WDR90: variants seen among roughly 807,000 people sequenced by gnomAD.
The protein encoded by WDR90 is WD repeat domain 90.
A neutral mutation model predicts 195.2 loss-of-function variants in WDR90; 238 were observed. That is an observed-to-expected ratio of 1.22 (90% CI 1.10 to 1.36). WDR90 has a LOEUF of 1.36. Among genes scored for constraint, WDR90 ranks in the 40% most tolerant of loss-of-function variants. The pLI, the probability that WDR90 is intolerant of heterozygous loss-of-function variation, is 0.00. For synonymous variants in WDR90, 1,265 were observed against 1,052.4 expected, an observed-to-expected ratio of 1.20 and a Z score of -3.91; for missense variants, 2,734 against 2,439.5, an observed-to-expected ratio of 1.12 and a Z score of -2.54.
chr16:656,190 G>A, intron 17 of WDR90, 112 bp from the exon 18 acceptor site: 1 of 1,049,730 alleles, frequency 9.5e-7, no homozygotes. Context: ...TGTGGAGCCT[G>A]GGACTTTGAG....
rs974300050 is a variant in WDR90, at chr16:653,815, C to T, written c.1437+12C>T. 7 of 1,612,882 alleles carry T rather than the reference C, an allele frequency of 4.3e-6. No individual in the cohort carries two copies. Among genetic ancestry groups the T allele is most frequent in the African/African-American group, 4.0e-5 (3 of 74,930 alleles). The stretch of plus-strand genomic sequence containing the variant: ...ACCACGGGAGGACGGTAACAGGGCC[C>T]TGGCTGCGGGTTGGGGTGGGGCTGT... On this transcript the variant is annotated intron_variant, in intron 13 of 40. Transcript: ENST00000293879.
chr16:665,668 G>A lies in WDR90; in HGVS notation c.4312-11G>A. ...GGCCAACACCCCCAGCCTAGCTACG[G>A]CTTCCCCCAGGTGAACGAGGTGGTC... On this transcript the variant is annotated splice_polypyrimidine_tract_variant and intron_variant, in intron 34 of 40. Coordinates refer to ENST00000293879, the MANE Select transcript of WDR90 (RefSeq NM_145294.5). The A allele has an allele frequency of 6.2e-7, 1 of 1,612,584 alleles. No individual in the cohort carries two copies. Among genetic ancestry groups the A allele is most frequent in the East Asian group, 2.2e-5 (1 of 44,880 alleles).
rs1567220678 is a variant in WDR90 at position 661,011 on chromosome 16, CCCCCG to C, written c.3392-39_3392-35del. On this transcript the variant is annotated intron_variant, in intron 28 of 40. Transcript: ENST00000293879. ...CCAGGCCCCTCCCCGCCCCCCCCCC[CCCCCG>C]GCCCGGCCTCAGGCCCCGCCCTCTC... 2.2e-3 allele frequency: 346 copies of C among 157,132 alleles called. 43 individuals carry two copies. The East Asian group carries it at 0.037, about 17-fold the overall frequency. 9.7% of individuals were successfully genotyped at this position (157,132 alleles called of 1,614,324 possible). A position where few individuals can be genotyped will look rare whatever the true frequency, so the allele number is the denominator to read the frequency against.
In WDR90 at chr16:655,154, C is replaced by G. The variant is rs748793139; in HGVS notation, c.1556+7C>G. On this transcript the variant is annotated splice_region_variant and intron_variant, in intron 14 of 40. Coordinates refer to ENST00000293879, the MANE Select transcript of WDR90 (RefSeq NM_145294.5). ...CCTTTTTTGATGAAACCAGGTGATG[C>G]AGCCGCCCATCCACGATGTTGGGAG... 1 of 1,612,432 alleles carries G rather than the reference C, an allele frequency of 6.2e-7. No individual in the cohort carries two copies. The highest frequency in any genetic ancestry group is 8.5e-7 in the Non-Finnish European group (1 of 1,179,616).
At position 667,507 on chromosome 16, in the gene WDR90, T is replaced by A; in HGVS notation, c.5165T>A (p.Leu1722Gln). 1 of 1,612,552 alleles carries A rather than the reference T, an allele frequency of 6.2e-7. No homozygotes were observed. The highest frequency in any genetic ancestry group is 8.5e-7 in the Non-Finnish European group (1 of 1,179,908). The change falls in exon 41 of 41, where the codon CTG (leucine) becomes CAG (glutamine). Residue 1722 changes from leucine (L) to glutamine (Q), a missense_variant. Transcript: ENST00000293879. Reference protein sequence around the residue: ...DFAGHDNAVHLCRFTPSARLL... With the variant: ...DFAGHDNAVHQCRFTPSARLL... The stretch of plus-strand genomic sequence containing the variant: ...GCCGGCCACGACAACGCAGTGCACC[T>A]GTGCAGGTTTACACCGTCCGCCAGG...
At chr16:664,120 C>T (rs2037972895) in intron 34 of WDR90, among the ~76,000 whole-genome samples, 2 of 152,138 alleles carry the variant, frequency 1.3e-5, no homozygotes. Context: ...GTAGTCGTCA[C>T]AGCACAAGCT....
In WDR90 at chr16:665,765, C is replaced by T. The variant is rs761168116; in HGVS notation, c.4398C>T (p.Ser1466=). 3.1e-6 allele frequency: 5 copies of T among 1,601,512 alleles called. No homozygotes were observed. The highest frequency in any genetic ancestry group is 1.7e-4 in the Middle Eastern group (1 of 6,022). ...DGSVRVWALA[S]MELVIQFQVL... ...GTGTGCGGGTGTGGGCCTTGGCCAGCATGGAGCTTGTGATCCAGTTCCAGG... is the reference window on the plus strand; with the variant it reads ...GTGTGCGGGTGTGGGCCTTGGCCAGTATGGAGCTTGTGATCCAGTTCCAGG... The change falls in exon 35 of 41, where the codon AGC becomes AGT. Residue 1466 remains serine, a synonymous_variant. Transcript: ENST00000293879.
In WDR90 at chr16:657,762, C is replaced by G. The variant is rs772626875; in HGVS notation, c.2474C>G (p.Ala825Gly). The change falls in exon 21 of 41, where the codon GCG becomes GGG. Residue 825 changes from alanine (A) to glycine (G), a missense_variant and splice_region_variant. Physicochemically the swap from Ala to Gly is moderately conservative, Grantham distance 60 (BLOSUM62 0). Transcript: ENST00000293879. ...DPQWHVLRVAADMVCPDAPAS... is the reference protein window; with the variant it reads ...DPQWHVLRVAGDMVCPDAPAS... ...TGACCCCTGCCCCGTGTGGCCACAG[C>G]GGACATGGTATGCCCGGATGCCCCC... 1.3e-6 allele frequency: 2 copies of G among 1,546,296 alleles called. No homozygotes were observed. Among genetic ancestry groups the G allele is most frequent in the Non-Finnish European group, 1.7e-6 (2 of 1,145,384 alleles).
Position 650,349 on chromosome 16 carries a change from G to A in WDR90, c.375G>A (p.Arg125=), listed in dbSNP as rs1478191293. The A allele has an allele frequency of 6.2e-7, 1 of 1,612,708 alleles. No homozygotes were observed. The highest frequency in any genetic ancestry group is 2.2e-5 in the East Asian group (1 of 44,872). ...AGTTTCCCTTGGTCCTGGAGGCCAG[G>A]ACACCTCAGAGAGGTGACACCAAGA... ...WLQFPLVLEA[R]TPQRDLVGLA... Residue 125 remains arginine (R), a synonymous_variant, in exon 4 of 41, where the codon AGG becomes AGA. Transcript: ENST00000293879.
At chr16:662,972 G>A (rs1317854342) in intron 34 of WDR90, 128 bp downstream of exon 34, 10 of 1,407,276 alleles carry the variant, frequency 7.1e-6, no homozygotes, top group Non-Finnish European at 9.7e-6. Flanking sequence ...CGGCCGCCTT[G>A]GGGTTCCCAG....
chr16:660,796 C>G (rs1413436633), intron 28 of WDR90, 82 bp downstream of exon 28: 1 of 1,428,354 alleles, frequency 7.0e-7, no homozygotes, highest in African/African-American at 1.4e-5. Context: ...AGGCCAGGAC[C>G]TGGTGGCAAA....
chr16:660,704 G>A lies in WDR90; in HGVS notation c.3381G>A (p.Arg1127=), dbSNP rs1270598745. Residue 1127 remains arginine, a synonymous_variant, in exon 28 of 41, where the codon AGG becomes AGA. Coordinates refer to ENST00000293879, the MANE Select transcript of WDR90 (RefSeq NM_145294.5). Reference sequence around the variant, plus strand: ...ATGGGCGGGCCAACATGGTCTGGAGGCCGGACACAGGTGGGGGCCAAGAGC... The same window carrying A: ...ATGGGCGGGCCAACATGGTCTGGAGACCGGACACAGGTGGGGGCCAAGAGC... ...SGNGRANMVW[R]PDTGFFAYTC... is the part of the protein sequence containing the mutation. 6.4e-7 allele frequency: 1 copy of A among 1,567,244 alleles called. No homozygotes were observed. Among genetic ancestry groups the A allele is most frequent in the South Asian group, 1.2e-5 (1 of 85,604 alleles).
At chr16:663,540 G>A (rs1367285518) in intron 34 of WDR90, 1 of 179,724 alleles carries the variant, frequency 5.6e-6, no homozygotes, top group East Asian at 1.7e-4. Flanking sequence ...GGCTCAAGAG[G>A]TCAGGAGGCC....
chr16:657,038 A>G (rs2037770857), intron 19 of WDR90, 53 bp from the exon 20 acceptor site: 28 of 1,586,054 alleles, frequency 1.8e-5, no homozygotes, highest in South Asian at 1.2e-4. Context: ...GAGGGAACCC[A>G]TGGTACCTGG....
At chr16:650,968 G>C in intron 5 of WDR90, 27 bp from the exon 6 acceptor site, 1 of 1,610,274 alleles carries the variant, frequency 6.2e-7, no homozygotes, top group Non-Finnish European at 8.5e-7. Flanking sequence ...AGCCTCCCTT[G>C]ACCTGGAACA....
upstream of WDR90, chr16:649,251 G>A (rs1246727466): frequency 1.2e-5 from 9 of 757,760 alleles, no homozygotes; most frequent in African/African-American, 7.4e-5. Flanking sequence ...CCGCTGACGT[G>A]AGCGGGGTAC....
At chr16:653,319 G>GC (rs1475490621) in intron 10 of WDR90, 22 bp from the exon 11 acceptor site, 2 of 1,492,758 alleles carry the variant, frequency 1.3e-6, no homozygotes, top group South Asian at 2.6e-5. Flanking sequence ...CCGGTCCTCA[G>GC]CCCCCCGCCC....
intron 34 of WDR90, 147 bp downstream of exon 34, chr16:662,991 T>C (rs1596469180): frequency 7.9e-7 from 1 of 1,267,156 alleles, no homozygotes; most frequent in Non-Finnish European, 1.1e-6. Context: ...AGCGGGGAAG[T>C]CTTGGGTGTG....
rs2037840536 is a variant in WDR90, at chr16:659,336, A to G, written c.3144A>G (p.Pro1048=). 1 of 1,595,484 alleles carries G rather than the reference A, an allele frequency of 6.3e-7. No homozygotes were observed. The highest frequency in any genetic ancestry group is 1.8e-5 in the Admixed American group (1 of 56,774). ...CCAAGCCATGTCAGGCATCTCCACC[A>G]CGGCTGGGCGTCTGTGCCAGGCCTC... ...QVPKPCQASP[P]RLGVCARPPE... Residue 1048 remains proline, a synonymous_variant, in exon 26 of 41, where the codon CCA becomes CCG. Coordinates refer to ENST00000293879, the MANE Select transcript of WDR90 (RefSeq NM_145294.5).
Sources: allele counts gnomAD v4.1 joint callset (sites outside exome capture counted in the v4.1 genomes callset), GRCh38; gene constraint gnomAD v4.1.1; transcripts MANE v1.5; gene names NCBI Gene and HGNC (gene_info 2026-07-23, HGNC 2026-07-21).